MCMBP: variants seen among roughly 807,000 people sequenced by gnomAD.
MCMBP encodes minichromosome maintenance complex binding protein.
In MCMBP, 31 loss-of-function variants were observed where a neutral mutation model predicts 81.3. The ratio of observed to expected loss-of-function variants is 0.38; its 90% CI spans 0.29 to 0.51. The LOEUF (loss-of-function observed/expected upper bound fraction) is 0.51. MCMBP is among the 20% of genes least tolerant of loss of function. MCMBP has a pLI of 0.87. For missense variants in MCMBP, 645 were observed against 772.1 expected, an observed-to-expected ratio of 0.84 and a Z score of 1.95; for synonymous variants, 267 against 275.9, an observed-to-expected ratio of 0.97 and a Z score of 0.32.
intron 1 of MCMBP, among the ~76,000 whole-genome samples, chr10:119,864,675 T>C (rs1306735967): frequency 6.6e-6 from 1 of 152,112 alleles, no homozygotes; most frequent in East Asian, 1.9e-4. Context: ...ATTTCTTTCT[T>C]CTGTTTAATT....
chr10:119,835,613 A>T lies in MCMBP; in HGVS notation c.1634T>A (p.Val545Glu), dbSNP rs755430526. 5.6e-6 allele frequency: 9 copies of T among 1,614,122 alleles called. No individual in the cohort carries two copies. In the Admixed American group the frequency reaches 1.5e-4, roughly 27 times the overall value. ...NSLLSAVLPSVLNKFRIYLTL... is the reference protein window; with the variant it reads ...NSLLSAVLPSELNKFRIYLTL... ...TAGATAAATGCGGAATTTGTTCAGCACGGAAGGCAGCACCGCTGAGAGAAG... is the reference window on the plus strand; with the variant it reads ...TAGATAAATGCGGAATTTGTTCAGCTCGGAAGGCAGCACCGCTGAGAGAAG... The change falls in exon 14 of 16, where the codon GTG becomes GAG. Residue 545 changes from valine to glutamate, a missense_variant. Coordinates refer to ENST00000369077, the MANE Select transcript of MCMBP (RefSeq NM_001256378.2).
intron 8 of MCMBP, among the ~76,000 whole-genome samples, chr10:119,844,545 GCTGC>G (rs928444673): frequency 1.3e-5 from 2 of 152,268 alleles, no homozygotes; most frequent in East Asian, 3.9e-4. Flanking sequence ...TCCAACCCAG[GCTGC>G]CTGCCTGTCT....
In MCMBP at chr10:119,847,544, T is replaced by C. The variant is rs535057982; in HGVS notation, c.827+69A>G. The C allele has an allele frequency of 8.8e-6, 8 of 906,190 alleles. No homozygotes were observed. The African/African-American group carries it at 1.4e-4, about 15-fold the overall frequency. The allele number at this position is 906,190 out of a possible 1,614,324, so 56.1% of individuals were successfully genotyped here. A position where few individuals can be genotyped will look rare whatever the true frequency, so the allele number is the denominator to read the frequency against. On this transcript the variant is annotated intron_variant, in intron 8 of 15. Transcript: ENST00000369077. ...AAAAGGGAGTTCTTTAAAACCATCC[T>C]GTAACTCTCCTGAAAACTTGAAATT...
rs1451033622 is a variant in MCMBP at position 119,830,770 on chromosome 10, G to C, written c.*704C>G. 2 of 152,554 alleles carry C rather than the reference G, an allele frequency of 1.3e-5. No individual in the cohort carries two copies. Among genetic ancestry groups the C allele is most frequent in the Admixed American group, 6.5e-5 (1 of 15,270 alleles). The allele number at this position is 152,554 out of a possible 1,614,324, so 9.5% of individuals were successfully genotyped here. On this transcript the variant is annotated 3_prime_UTR_variant, in exon 16 of 16. Coordinates refer to ENST00000369077, the MANE Select transcript of MCMBP (RefSeq NM_001256378.2). ...ATGAAAAAAATGGTGATAATACAGT[G>C]ATTTATTCGGATTACTTGGCAAGGT...
intron 5 of MCMBP, among the ~76,000 whole-genome samples, chr10:119,856,228 CAAAAACAAACAAACA>C (rs982221539): frequency 2.6e-5 from 4 of 152,030 alleles, no homozygotes; most frequent in African/African-American, 7.3e-5. Flanking sequence ...CTCAAGAAAA[CAAAAACAAACAAACA>C]AAAAACAAAC....
intron 10 of MCMBP, among the ~76,000 whole-genome samples, chr10:119,842,020 C>A (rs977950760): frequency 2.0e-5 from 3 of 152,210 alleles, no homozygotes; most frequent in African/African-American, 7.2e-5. Flanking sequence ...GCATTACCGC[C>A]TGAGTTCCGC....
intron 1 of MCMBP, among the ~76,000 whole-genome samples, chr10:119,868,993 TG>T (rs1372006140): frequency 1.3e-5 from 2 of 152,180 alleles, no homozygotes; most frequent in Non-Finnish European, 2.9e-5. Context: ...TTAAAAGTCC[TG>T]GATCAGATAG....
At chr10:119,836,183 T>C (rs1411866484) in intron 13 of MCMBP, among the ~76,000 whole-genome samples, 2 of 152,222 alleles carry the variant, frequency 1.3e-5, no homozygotes, top group Non-Finnish European at 1.5e-5. Flanking sequence ...ACCTCAGAAA[T>C]AATTATGAAA....
chr10:119,869,389 T>C (rs1374200838), intron 1 of MCMBP, among the ~76,000 whole-genome samples: 1 of 152,178 alleles, frequency 6.6e-6, no homozygotes, highest in Non-Finnish European at 1.5e-5. Context: ...CTGGCCAACA[T>C]GGTGAAACCC....
rs1211135353 is a variant in MCMBP at position 119,848,701 on chromosome 10, C to G, written c.726+724G>C. On this transcript the variant is annotated intron_variant, in intron 7 of 15. Coordinates refer to ENST00000369077, the MANE Select transcript of MCMBP (RefSeq NM_001256378.2). Reference sequence around the variant, plus strand: ...AAATCCTTAACAATCATTTCTGAACCTTCTATCACTTGCTCATTTATCAGG... The same window carrying G: ...AAATCCTTAACAATCATTTCTGAACGTTCTATCACTTGCTCATTTATCAGG... Among the ~76,000 whole-genome samples, 5 of 152,120 alleles carry G rather than the reference C, an allele frequency of 3.3e-5. No individual in the cohort carries two copies. The South Asian group carries it at 1.0e-3, about 32-fold the overall frequency.
chr10:119,869,489 T>C (rs144699241), intron 1 of MCMBP, among the ~76,000 whole-genome samples: 10 of 149,942 alleles, frequency 6.7e-5, no homozygotes, highest in African/African-American at 2.5e-4. Flanking sequence ...GGAGAATCAC[T>C]TGAACCCAAG....
rs376831340 is a variant in MCMBP, at chr10:119,862,649, A to C, written c.59-2765T>G. Among the ~76,000 whole-genome samples the C allele has an allele frequency of 2.4e-3, 358 of 152,300 alleles. 18 individuals are homozygous for C. In the South Asian group the frequency reaches 0.072, roughly 30 times the overall value. ...ACAACTATAAACAAAACTATAAAAC[A>C]CGTGTCTGCAGGTTTTCATGTGAAC... On this transcript the variant is annotated intron_variant, in intron 1 of 15. Coordinates refer to ENST00000369077, the MANE Select transcript of MCMBP (RefSeq NM_001256378.2).
At chr10:119,858,791 A>G in intron 4 of MCMBP, 93 bp downstream of exon 4, 1 of 970,946 alleles carries the variant, frequency 1.0e-6, no homozygotes, top group East Asian at 2.6e-5. Context: ...TAACTTATAC[A>G]CAAGATAAAT....
chr10:119,856,760 C>T (rs1030638677), intron 5 of MCMBP, among the ~76,000 whole-genome samples: 3 of 152,112 alleles, frequency 2.0e-5, no homozygotes, highest in African/African-American at 4.8e-5. Context: ...CGTTGTCTTC[C>T]CTTAATTAGA....
At chr10:119,835,931 G>T (rs1208359786) in intron 13 of MCMBP, among the ~76,000 whole-genome samples, 1 of 152,040 alleles carries the variant, frequency 6.6e-6, no homozygotes, top group Non-Finnish European at 1.5e-5. Flanking sequence ...CTGCTTCCCA[G>T]GCTCAAGTGA....
intron 6 of MCMBP, among the ~76,000 whole-genome samples, chr10:119,851,334 A>G (rs1589789503): frequency 6.6e-6 from 1 of 152,242 alleles, no homozygotes; most frequent in Non-Finnish European, 1.5e-5. Context: ...TCAAACAAGA[A>G]TGGTAAGAAA....
chr10:119,837,762 G>A (rs1287119491), intron 12 of MCMBP, among the ~76,000 whole-genome samples: 2 of 151,984 alleles, frequency 1.3e-5, no homozygotes, highest in African/African-American at 4.8e-5. Flanking sequence ...CAGCCTGGGC[G>A]ACAGAGCAAG....
chr10:119,846,839 G>A (rs762050337), intron 8 of MCMBP, among the ~76,000 whole-genome samples: 2 of 151,816 alleles, frequency 1.3e-5, no homozygotes, highest in African/African-American at 2.4e-5. Context: ...CTAGAAACCA[G>A]ATCTGCTGGG....
chr10:119,848,472 G>A (rs80068169), intron 7 of MCMBP, among the ~76,000 whole-genome samples: 248 of 152,160 alleles, frequency 1.6e-3, no homozygotes, highest in African/African-American at 5.7e-3. Context: ...AACGAGCTGG[G>A]TGTGGTGGTG....
Sources: gnomAD v4.1 joint callset for allele counts (sites outside exome capture counted in the v4.1 genomes callset) on GRCh38, gnomAD v4.1.1 for gene constraint, MANE v1.5 for transcripts, NCBI Gene and HGNC (gene_info 2026-07-23, HGNC 2026-07-21) for gene names.